IL1RAPL1: variants seen among roughly 807,000 people sequenced by gnomAD.
IL1RAPL1 encodes the protein interleukin 1 receptor accessory protein like 1, also known as interleukin-1 receptor accessory protein-like 1.
Under a neutral mutation model 48.4 loss-of-function variants are expected in IL1RAPL1, and 3 were observed. The ratio of observed to expected loss-of-function variants is 0.06; its 90% CI spans 0.03 to 0.16. IL1RAPL1 has a LOEUF of 0.16. IL1RAPL1 is among the 10% of genes least tolerant of loss of function. The pLI is 1.00. For synonymous variants in IL1RAPL1, 185 were observed against 187.7 expected, an observed-to-expected ratio of 0.99 and a Z score of 0.12; for missense variants, 349 against 530.6, an observed-to-expected ratio of 0.66 and a Z score of 3.36.
chrX:29,807,971 T>G lies in IL1RAPL1; in HGVS notation c.779-109493T>G, dbSNP rs754985500. 9.8e-5 allele frequency among the ~76,000 whole-genome samples: 11 copies of G among 112,048 alleles called. No homozygotes were observed. In the East Asian group the frequency reaches 2.8e-3, roughly 29 times the overall value. ...TAATAAGATACAATCTTTCACCTGA[T>G]AATTTTGTCAAAAATATTAGGTAAA... On this transcript the variant is annotated intron_variant, in intron 6 of 10. Coordinates refer to ENST00000378993, the MANE Select transcript of IL1RAPL1 (RefSeq NM_014271.4).
chrX:29,397,570 C>T lies in IL1RAPL1; in HGVS notation c.549+1126C>T, dbSNP rs150594232. 5.0e-3 allele frequency among the ~76,000 whole-genome samples: 552 copies of T among 110,556 alleles called. 6 individuals carry two copies. Among genetic ancestry groups the T allele is most frequent in the African/African-American group, 0.017 (531 of 30,415 alleles). ...ATATTAGTCCTGCTGGTTTCTGTTA[C>T]TGTGGGAATGAATTTTCTTTTTCTC... On this transcript the variant is annotated intron_variant, in intron 4 of 10. Coordinates refer to ENST00000378993, the MANE Select transcript of IL1RAPL1 (RefSeq NM_014271.4).
At position 29,544,720 on chromosome X, in the gene IL1RAPL1, ATGATG is replaced by A. The variant is rs1311600681; in HGVS notation, c.704-123707_704-123703del. ...CCTACTAGTGTTTTCAAATGTGGAGATGATGTGTGTGTGTGTGTGTGTGTGTGTGT... is the reference window on the plus strand; with the variant it reads ...CCTACTAGTGTTTTCAAATGTGGAGATGTGTGTGTGTGTGTGTGTGTGTGT... On this transcript the variant is annotated intron_variant, in intron 5 of 10. Transcript: ENST00000378993. 2.5e-4 allele frequency among the ~76,000 whole-genome samples: 22 copies of A among 88,902 alleles called. 1 individual carries two copies. In the East Asian group the frequency reaches 8.9e-3, roughly 36 times the overall value. The allele number at this position is 88,902 out of a possible 115,157, so 77.2% of individuals were successfully genotyped here.
chrX:28,677,821 C>T, intron 1 of IL1RAPL1, among the ~76,000 whole-genome samples: 1 of 111,337 alleles, frequency 9.0e-6, no homozygotes. Flanking sequence ...CTCCTGACCT[C>T]AGGTGATCTG....
At chrX:29,054,031 A>G (rs1040802177) in intron 2 of IL1RAPL1, among the ~76,000 whole-genome samples, 1 of 111,504 alleles carries the variant, frequency 9.0e-6, no homozygotes, top group African/African-American at 3.3e-5. Flanking sequence ...TTATGTATGT[A>G]TACCACATTT....
chrX:29,133,148 G>A (rs1929056433), intron 2 of IL1RAPL1, among the ~76,000 whole-genome samples: 1 of 111,457 alleles, frequency 9.0e-6, no homozygotes, highest in South Asian at 3.7e-4. Flanking sequence ...CTACTTCCCT[G>A]AATAAGAAGT....
intron 2 of IL1RAPL1, among the ~76,000 whole-genome samples, chrX:28,853,759 A>T (rs757637926): frequency 2.7e-5 from 3 of 111,968 alleles, no homozygotes; most frequent in Admixed American, 9.5e-5. Context: ...GATCATTAAG[A>T]TAGGGTAGCT....
chrX:29,235,992 G>A (rs1455478668), intron 2 of IL1RAPL1, among the ~76,000 whole-genome samples: 2 of 112,022 alleles, frequency 1.8e-5, no homozygotes, highest in Admixed American at 9.5e-5. Flanking sequence ...CAAGATTTCT[G>A]TACTCTATTG....
chrX:29,793,302 C>G (rs1929675000), intron 6 of IL1RAPL1, among the ~76,000 whole-genome samples: 1 of 111,885 alleles, frequency 8.9e-6, no homozygotes, highest in African/African-American at 3.2e-5. Context: ...TGTCTATTTT[C>G]TGATTTTCTT....
At chrX:29,083,363 T>A (rs1927884874) in intron 2 of IL1RAPL1, among the ~76,000 whole-genome samples, 1 of 111,960 alleles carries the variant, frequency 8.9e-6, no homozygotes, top group African/African-American at 3.2e-5. Context: ...TATCTCAATT[T>A]GATTGACCAA....
intron 5 of IL1RAPL1, among the ~76,000 whole-genome samples, chrX:29,575,347 C>T (rs749702508): frequency 8.1e-4 from 91 of 111,670 alleles, no homozygotes; most frequent in Non-Finnish European, 1.5e-3. Flanking sequence ...TGGCTCAGTC[C>T]GAGTCCAAAA....
intron 6 of IL1RAPL1, among the ~76,000 whole-genome samples, chrX:29,802,372 AT>A (rs1386123186): frequency 7.2e-5 from 8 of 111,150 alleles, no homozygotes; most frequent in African/African-American, 2.6e-4. Context: ...TGCTTCTCAA[AT>A]TATCTGAGGT....
chrX:29,838,824 G>A (rs1931071320), intron 6 of IL1RAPL1, among the ~76,000 whole-genome samples: 1 of 112,043 alleles, frequency 8.9e-6, no homozygotes, highest in South Asian at 3.8e-4. Flanking sequence ...GGCTCAGCCA[G>A]GTGGTTCTTC....
At chrX:29,774,266 A>T (rs1443515117) in intron 6 of IL1RAPL1, among the ~76,000 whole-genome samples, 1 of 110,907 alleles carries the variant, frequency 9.0e-6, no homozygotes, top group Non-Finnish European at 1.9e-5. Context: ...TTACACGGCT[A>T]TGGGGGACTG....
At chrX:29,145,205 G>A (rs1395715901) in intron 2 of IL1RAPL1, among the ~76,000 whole-genome samples, 2 of 111,904 alleles carry the variant, frequency 1.8e-5, no homozygotes, top group Non-Finnish European at 3.8e-5. Flanking sequence ...CTGAAAATCA[G>A]TAAAGACTAT....
At chrX:29,530,098 C>T (rs1935597562) in intron 5 of IL1RAPL1, among the ~76,000 whole-genome samples, 1 of 111,860 alleles carries the variant, frequency 8.9e-6, no homozygotes, top group African/African-American at 3.2e-5. Context: ...TCAAATGAAC[C>T]TATTTATTGC....
At chrX:28,868,557 T>C (rs1321501716) in intron 2 of IL1RAPL1, among the ~76,000 whole-genome samples, 4 of 111,252 alleles carry the variant, frequency 3.6e-5, no homozygotes, top group Non-Finnish European at 5.7e-5. Flanking sequence ...TTGCCAGCAA[T>C]CATTCTTTGC....
intron 2 of IL1RAPL1, among the ~76,000 whole-genome samples, chrX:29,049,102 C>A (rs1474180384): frequency 1.8e-5 from 2 of 112,107 alleles, no homozygotes; most frequent in African/African-American, 3.2e-5. Flanking sequence ...ACCTAGCATG[C>A]ATTGCAAGAC....
chrX:29,368,528 T>C (rs1380761012), intron 3 of IL1RAPL1, among the ~76,000 whole-genome samples: 31 of 111,005 alleles, frequency 2.8e-4, no homozygotes, highest in Non-Finnish European at 1.1e-4. Flanking sequence ...ATCACAGGTA[T>C]GTGCCACCAT....
At chrX:28,617,111 T>C (rs1218671039) in intron 1 of IL1RAPL1, among the ~76,000 whole-genome samples, 1 of 112,091 alleles carries the variant, frequency 8.9e-6, no homozygotes, top group Non-Finnish European at 1.9e-5. Flanking sequence ...CCAACAGTAA[T>C]AATGTTGGAG....
Sources: gnomAD v4.1 joint callset for allele counts (sites outside exome capture counted in the v4.1 genomes callset) on GRCh38, gnomAD v4.1.1 for gene constraint, MANE v1.5 for transcripts, NCBI Gene and HGNC (gene_info 2026-07-23, HGNC 2026-07-21) for gene names.